BMPR1B: variants seen among roughly 807,000 people sequenced by gnomAD.
BMPR1B encodes bone morphogenetic protein receptor type 1B.
BMPR1B carries 12 observed loss-of-function variants against 59.1 expected under a neutral mutation model. The observed-to-expected ratio is 0.20, with a 90% CI of 0.13 to 0.33. BMPR1B has a LOEUF of 0.33. Among genes scored for constraint, BMPR1B ranks in the 10% least tolerant of loss-of-function variants. The pLI is 1.00. For synonymous variants in BMPR1B, 237 were observed against 207.3 expected (o/e 1.14, Z -1.23); for missense variants, 550 against 610.9 (o/e 0.90, Z 1.05).
At chr4:94,800,153 C>A (rs1723351511) in intron 1 of BMPR1B, among the ~76,000 whole-genome samples, 1 of 152,160 alleles carries the variant, frequency 6.6e-6, no homozygotes, top group African/African-American at 2.4e-5. Context: ...ATTACTGTGT[C>A]TACAGAAAGA....
chr4:94,812,476 T>G (rs1219086447), intron 1 of BMPR1B, among the ~76,000 whole-genome samples: 2 of 152,182 alleles, frequency 1.3e-5, no homozygotes, highest in African/African-American at 4.8e-5. Flanking sequence ...AATTATGGGA[T>G]GTGCACCTGT....
intron 3 of BMPR1B, among the ~76,000 whole-genome samples, chr4:95,072,519 CACTT>C (rs1260256635): frequency 6.6e-5 from 10 of 152,140 alleles, no homozygotes; most frequent in South Asian, 4.1e-4. Flanking sequence ...TGTCAGGTAA[CACTT>C]AATAGAGACC....
At chr4:95,071,790 C>A (rs1243013003) in intron 3 of BMPR1B, among the ~76,000 whole-genome samples, 1 of 151,320 alleles carries the variant, frequency 6.6e-6, no homozygotes, top group African/African-American at 2.4e-5. Context: ...AGTTAAATAA[C>A]CCTTTGTATT....
chr4:95,082,962 C>T (rs543349662), intron 3 of BMPR1B, among the ~76,000 whole-genome samples: 59 of 132,678 alleles, frequency 4.4e-4, no homozygotes, highest in African/African-American at 1.6e-3. Context: ...GGCGTGAACC[C>T]GGGAGGCGGA....
intron 2 of BMPR1B, among the ~76,000 whole-genome samples, chr4:94,909,318 G>T (rs140523551): frequency 7.0e-4 from 107 of 152,114 alleles, no homozygotes; most frequent in African/African-American, 2.4e-3. Flanking sequence ...TACTCACTAG[G>T]TTAATCTATG....
At position 95,043,181 on chromosome 4, in the gene BMPR1B, CAAAAAAAAAAAAAAAAA is replaced by C. The variant is rs751904820; in HGVS notation, c.-18+47061_-18+47077del. Among the ~76,000 whole-genome samples, 5 of 51,440 alleles carry C rather than the reference CAAAAAAAAAAAAAAAAA, an allele frequency of 9.7e-5. No homozygotes were observed. The Admixed American group carries it at 1.8e-3, about 18-fold the overall frequency. 33.7% of individuals were successfully genotyped at this position (51,440 alleles called of 152,430 possible). A position where few individuals can be genotyped will look rare whatever the true frequency, so the allele number is the denominator to read the frequency against. On this transcript the variant is annotated intron_variant, in intron 3 of 12. Coordinates refer to ENST00000515059, the MANE Select transcript of BMPR1B (RefSeq NM_001203.3). ...TGGGCGACAGAGCGAGACTCCGTCT[CAAAAAAAAAAAAAAAAA>C]AAAAAAAAAAAAAGAATTACCTCAC...
chr4:94,775,960 G>A (rs1416354269), intron 1 of BMPR1B, among the ~76,000 whole-genome samples: 1 of 152,008 alleles, frequency 6.6e-6, no homozygotes, highest in African/African-American at 2.4e-5. Context: ...GTGTGATGGT[G>A]GTCGCCTGTA....
At chr4:94,875,355 G>A (rs1726679859) in intron 1 of BMPR1B, among the ~76,000 whole-genome samples, 1 of 152,174 alleles carries the variant, frequency 6.6e-6, no homozygotes, top group African/African-American at 2.4e-5. Flanking sequence ...ATCATGGGAA[G>A]ATGTGCTTTA....
chr4:95,106,194 A>T (rs544362179), intron 4 of BMPR1B, among the ~76,000 whole-genome samples: 81 of 152,014 alleles, frequency 5.3e-4, no homozygotes, highest in African/African-American at 2.0e-3. Context: ...GACAGGAGGT[A>T]TAGTGACTGT....
At chr4:94,759,016 T>A (rs1721651420) in intron 1 of BMPR1B, among the ~76,000 whole-genome samples, 1 of 152,182 alleles carries the variant, frequency 6.6e-6, no homozygotes, top group Non-Finnish European at 1.5e-5. Context: ...TCGTCCCTCT[T>A]TCTGTCCAGG....
chr4:94,914,307 T>G (rs1468349916), intron 2 of BMPR1B, among the ~76,000 whole-genome samples: 2 of 152,136 alleles, frequency 1.3e-5, no homozygotes, highest in Non-Finnish European at 2.9e-5. Flanking sequence ...AAGGACCAGA[T>G]TTACGGGTGA....
At chr4:95,084,715 C>T (rs924486906) in intron 3 of BMPR1B, among the ~76,000 whole-genome samples, 6 of 152,180 alleles carry the variant, frequency 3.9e-5, no homozygotes, top group South Asian at 2.1e-4. Flanking sequence ...AGGGACACTT[C>T]CCTTGCACTA....
At chr4:95,013,160 C>T (rs1389568136) in intron 3 of BMPR1B, among the ~76,000 whole-genome samples, 1 of 151,530 alleles carries the variant, frequency 6.6e-6, no homozygotes, top group Non-Finnish European at 1.5e-5. Flanking sequence ...AGTAGAGACA[C>T]AGATTTAGTA....
Position 95,131,272 on chromosome 4 carries a change from C to T in BMPR1B, c.836C>T (p.Thr279Ile), listed in dbSNP as rs147336783. 108 of 1,613,782 alleles carry T rather than the reference C, an allele frequency of 6.7e-5. No individual in the cohort carries two copies. Among genetic ancestry groups the T allele is most frequent in the South Asian group, 1.1e-4 (10 of 91,066 alleles). Reference sequence around the variant, plus strand: ...TCCTGGACCCAGTTGTACCTAATCACAGACTATCATGAAAATGGTTCCCTT... The same window carrying T: ...TCCTGGACCCAGTTGTACCTAATCATAGACTATCATGAAAATGGTTCCCTT... The part of the protein sequence containing the change: ...TGSWTQLYLI[T>I]DYHENGSLYD... The change falls in exon 10 of 13, where the codon ACA (threonine) becomes ATA (isoleucine). Residue 279 changes from threonine to isoleucine, a missense_variant. By Grantham distance (89) the Thr-to-Ile change is moderately conservative. Coordinates refer to ENST00000515059, the MANE Select transcript of BMPR1B (RefSeq NM_001203.3).
rs1491108915 is a variant in BMPR1B at position 95,155,475 on chromosome 4, C to CCT, written c.*802_*803insCT. 1.6e-5 allele frequency: 1 copy of CCT among 64,298 alleles called. No homozygotes were observed. Among genetic ancestry groups the CCT allele is most frequent in the African/African-American group, 6.7e-5 (1 of 14,816 alleles). 4.0% of individuals were successfully genotyped at this position (64,298 alleles called of 1,614,324 possible). A position where few individuals can be genotyped will look rare whatever the true frequency, so the allele number is the denominator to read the frequency against. On this transcript the variant is annotated 3_prime_UTR_variant, in exon 13 of 13. Coordinates refer to ENST00000515059, the MANE Select transcript of BMPR1B (RefSeq NM_001203.3). ...CCCTTTTCATTAAACACAAAGAAAG[C>CCT]TTTTTTTTTTTTTTTTTTTTTTTTT... is the stretch of plus-strand genomic sequence containing the variant.
At position 95,116,421 on chromosome 4, in the gene BMPR1B, G is replaced by GCGCGCACACACACACACACACA; in HGVS notation, c.349+635_349+636insGCGCACACACACACACACACAC. On this transcript the variant is annotated intron_variant, in intron 6 of 12. Coordinates refer to ENST00000515059, the MANE Select transcript of BMPR1B (RefSeq NM_001203.3). ...CTCCTCCTCCATGCTTTCAGCGCGC[G>GCGCGCACACACACACACACACA]CACACACACACACACACACACACAC... is the stretch of plus-strand genomic sequence containing the variant. Among the ~76,000 whole-genome samples the GCGCGCACACACACACACACACA allele has an allele frequency of 2.1e-3, 264 of 123,232 alleles. 2 individuals carry two copies. Among genetic ancestry groups the GCGCGCACACACACACACACACA allele is most frequent in the African/African-American group, 8.7e-3 (242 of 27,840 alleles). 80.8% of individuals were successfully genotyped at this position (123,232 alleles called of 152,430 possible).
rs141619163 is a variant in BMPR1B, at chr4:95,136,651, G to T, written c.1076+5139G>T. Among the ~76,000 whole-genome samples the T allele has an allele frequency of 3.5e-3, 535 of 152,270 alleles. 6 individuals are homozygous for T. The highest frequency in any genetic ancestry group is 0.01 in the Middle Eastern group (3 of 294). Reference sequence around the variant, plus strand: ...GGTTTAGTCTTGGGAGGGTGTATGTGTCGAGGAATTTATCCATTTCTTCTA... The same window carrying T: ...GGTTTAGTCTTGGGAGGGTGTATGTTTCGAGGAATTTATCCATTTCTTCTA... On this transcript the variant is annotated intron_variant, in intron 10 of 12. Transcript: ENST00000515059.
chr4:94,877,165 A>G (rs1027872739), intron 2 of BMPR1B, among the ~76,000 whole-genome samples: 2 of 152,218 alleles, frequency 1.3e-5, no homozygotes, highest in Non-Finnish European at 1.5e-5. Context: ...TTCAAGTATC[A>G]GAATCATAGA....
chr4:95,143,095 C>T (rs1311545117), intron 10 of BMPR1B, among the ~76,000 whole-genome samples: 1 of 152,140 alleles, frequency 6.6e-6, no homozygotes, highest in Admixed American at 6.5e-5. Flanking sequence ...CAGCTGAAGG[C>T]TCCACTTTCA....
Sources: allele counts gnomAD v4.1 joint callset (sites outside exome capture counted in the v4.1 genomes callset), GRCh38; gene constraint gnomAD v4.1.1; transcripts MANE v1.5; gene names NCBI Gene and HGNC (gene_info 2026-07-23, HGNC 2026-07-21).